DCDC2C: variants seen among roughly 807,000 people sequenced by gnomAD.
DCDC2C encodes doublecortin domain containing 2C.
A neutral mutation model predicts 45.0 loss-of-function variants in DCDC2C; 44 were observed. The ratio of observed to expected loss-of-function variants is 0.98; its 90% CI spans 0.77 to 1.26. DCDC2C has a LOEUF of 1.26. Among genes scored for constraint, DCDC2C ranks in the 50% most tolerant of loss-of-function variants. DCDC2C has a pLI of 0.00. For synonymous variants in DCDC2C, 187 were observed against 178.8 expected (o/e 1.05, Z -0.37); for missense variants, 447 against 468.9 (o/e 0.95, Z 0.43).
chr2:3,810,935 C>T (rs1671376390), intron 10 of DCDC2C, among the ~76,000 whole-genome samples: 2 of 152,134 alleles, frequency 1.3e-5, no homozygotes, highest in South Asian at 2.1e-4. Flanking sequence ...CTCCATTGGT[C>T]TATATGTCTG....
intron 2 of DCDC2C, among the ~76,000 whole-genome samples, chr2:3,713,680 C>A (rs756276871): frequency 6.6e-6 from 1 of 152,184 alleles, no homozygotes; most frequent in African/African-American, 2.4e-5. Context: ...TGGGGACAAC[C>A]TGAATGTCCA....
At chr2:3,820,121 G>A (rs1671651460) in intron 10 of DCDC2C, among the ~76,000 whole-genome samples, 1 of 152,166 alleles carries the variant, frequency 6.6e-6, no homozygotes, top group Non-Finnish European at 1.5e-5. Flanking sequence ...GGACCAATGT[G>A]TAAAAGAATG....
intron 2 of DCDC2C, among the ~76,000 whole-genome samples, chr2:3,724,320 C>T (rs760993367): frequency 2.0e-5 from 3 of 152,176 alleles, no homozygotes; most frequent in Non-Finnish European, 2.9e-5. Context: ...TCTATTCTGA[C>T]GAAAGGCATT....
At chr2:3,725,750 A>AGTGATAAGG (rs1668650662) in intron 2 of DCDC2C, among the ~76,000 whole-genome samples, 1 of 48,942 alleles carries the variant, frequency 2.0e-5, no homozygotes, top group Non-Finnish European at 4.3e-5. Context: ...CCGGAGAGAG[A>AGTGATAAGG]CTGCCAGAGA....
intron 2 of DCDC2C, among the ~76,000 whole-genome samples, chr2:3,715,060 C>T (rs1668314992): frequency 6.6e-6 from 1 of 152,142 alleles, no homozygotes; most frequent in Admixed American, 6.5e-5. Context: ...ACACATATAC[C>T]TACATACATG....
At position 3,764,870 on chromosome 2, in the gene DCDC2C, A is replaced by G. The variant is rs557742866; in HGVS notation, c.727-2884A>G. On this transcript the variant is annotated intron_variant, in intron 6 of 10. Coordinates refer to ENST00000399143, the MANE Select transcript of DCDC2C (RefSeq NM_001287444.2). ...TCTTGAGTGGAAAATGCTATAAAGCACATTTTTGGGACAATTACAAAATTG... is the reference window on the plus strand; with the variant it reads ...TCTTGAGTGGAAAATGCTATAAAGCGCATTTTTGGGACAATTACAAAATTG... Among the ~76,000 whole-genome samples, 4 of 152,328 alleles carry G rather than the reference A, an allele frequency of 2.6e-5. No homozygotes were observed. In the South Asian group the frequency reaches 8.3e-4, roughly 32 times the overall value.
chr2:3,783,816 G>C (rs142233823), intron 9 of DCDC2C, among the ~76,000 whole-genome samples: 2 of 152,206 alleles, frequency 1.3e-5, no homozygotes, highest in Non-Finnish European at 2.9e-5. Context: ...GTCTCAAAAG[G>C]CTAAATCAGA....
chr2:3,796,656 T>C (rs1374888184), intron 10 of DCDC2C, among the ~76,000 whole-genome samples: 1 of 134,162 alleles, frequency 7.5e-6, no homozygotes, highest in Admixed American at 7.6e-5. Flanking sequence ...GTTCTGTTTA[T>C]ATGCTGGATT....
chr2:3,814,830 G>T (rs544968200), intron 10 of DCDC2C, among the ~76,000 whole-genome samples: 4 of 152,264 alleles, frequency 2.6e-5, no homozygotes, highest in Admixed American at 2.6e-4. Context: ...CCACAGACTG[G>T]CACAGCCAGT....
intron 10 of DCDC2C, among the ~76,000 whole-genome samples, chr2:3,825,133 C>T (rs1671781890): frequency 6.6e-6 from 1 of 152,156 alleles, no homozygotes; most frequent in South Asian, 2.1e-4. Flanking sequence ...TCATGGGGGA[C>T]ACTTTCCCTT....
At chr2:3,823,416 C>G (rs79333913) in intron 10 of DCDC2C, among the ~76,000 whole-genome samples, 20,580 of 152,158 alleles carry the variant, frequency 0.14, 1,521 homozygotes, top group East Asian at 0.18. Flanking sequence ...GTAATGTTCT[C>G]TATGCACTTG....
intron 10 of DCDC2C, among the ~76,000 whole-genome samples, chr2:3,826,047 C>T (rs1025992416): frequency 1.2e-4 from 18 of 152,188 alleles, no homozygotes; most frequent in Non-Finnish European, 2.2e-4. Flanking sequence ...CCTTAAGACA[C>T]ACCACAAAGA....
At chr2:3,832,802 T>G (rs962488940) in intron 10 of DCDC2C, among the ~76,000 whole-genome samples, 2 of 152,222 alleles carry the variant, frequency 1.3e-5, no homozygotes, top group African/African-American at 4.8e-5. Context: ...CAATGTCTAG[T>G]GTATACCTCC....
chr2:3,813,723 C>T (rs1671477858), intron 10 of DCDC2C, among the ~76,000 whole-genome samples: 2 of 136,016 alleles, frequency 1.5e-5, no homozygotes, highest in South Asian at 5.0e-4. Context: ...ACTAGGATTG[C>T]AACCCCTGCT....
intron 10 of DCDC2C, among the ~76,000 whole-genome samples, chr2:3,832,109 G>A (rs886563239): frequency 1.1e-4 from 17 of 152,274 alleles, no homozygotes; most frequent in African/African-American, 3.6e-4. Context: ...TCTCTTTGAC[G>A]TTGGATGGTT....
Position 3,755,501 on chromosome 2 carries a change from G to A in DCDC2C, c.726+867G>A, listed in dbSNP as rs991444275. Among the ~76,000 whole-genome samples, 6 of 152,028 alleles carry A rather than the reference G, an allele frequency of 3.9e-5. No homozygotes were observed. In the South Asian group the frequency reaches 6.2e-4, roughly 16 times the overall value. The stretch of plus-strand genomic sequence containing the variant: ...TGTGCATGTGTACACAGGAGTACAC[G>A]TGTGTATGAATGCACATGCATGTGC... On this transcript the variant is annotated intron_variant, in intron 6 of 10. Coordinates refer to ENST00000399143, the MANE Select transcript of DCDC2C (RefSeq NM_001287444.2).
intron 4 of DCDC2C, among the ~76,000 whole-genome samples, chr2:3,745,054 C>T (rs974328793): frequency 2.0e-5 from 3 of 152,176 alleles, no homozygotes; most frequent in Non-Finnish European, 2.9e-5. Context: ...GGTGCAATCT[C>T]GGCTCACTGC....
intron 3 of DCDC2C, among the ~76,000 whole-genome samples, chr2:3,741,581 G>A (rs1669208772): frequency 6.6e-6 from 1 of 152,104 alleles, no homozygotes; most frequent in African/African-American, 2.4e-5. Flanking sequence ...TCTGTGAGGG[G>A]GACAAGAGAA....
intron 10 of DCDC2C, among the ~76,000 whole-genome samples, chr2:3,838,276 G>A (rs917156589): frequency 1.4e-4 from 21 of 151,942 alleles, no homozygotes; most frequent in African/African-American, 5.1e-4. Flanking sequence ...TAGAGGGAGA[G>A]GGCTGTAAAG....
Sources: gnomAD v4.1 joint callset for allele counts (sites outside exome capture counted in the v4.1 genomes callset) on GRCh38, gnomAD v4.1.1 for gene constraint, MANE v1.5 for transcripts, NCBI Gene and HGNC (gene_info 2026-07-23, HGNC 2026-07-21) for gene names.